The following DYNC2H1 variants were observed in gnomAD, a reference collection of about 807,000 sequenced individuals.
DYNC2H1 encodes the protein dynein cytoplasmic 2 heavy chain 1.
Under a neutral mutation model 570.0 loss-of-function variants are expected in DYNC2H1, and 410 were observed. The observed-to-expected ratio is 0.72, with a 90% CI of 0.66 to 0.78. DYNC2H1 has a LOEUF of 0.78. Ranked by LOEUF, DYNC2H1 falls within the 30% of genes least tolerant of loss-of-function variation. DYNC2H1 has a pLI of 0.00. For synonymous variants in DYNC2H1, 1,688 were observed against 1,677.6 expected, an observed-to-expected ratio of 1.01 and a Z score of -0.15; for missense variants, 4,865 against 5,046.4, an observed-to-expected ratio of 0.96 and a Z score of 1.09.
At chr11:103,110,774 C>T (rs1858074836) in intron 1 of DYNC2H1, among the ~76,000 whole-genome samples, 1 of 151,712 alleles carries the variant, frequency 6.6e-6, no homozygotes, top group Non-Finnish European at 1.5e-5. Context: ...TCACCCTTAT[C>T]CCTAGGTCTA....
chr11:103,453,096 C>T (rs1408044250), intron 85 of DYNC2H1, among the ~76,000 whole-genome samples: 2 of 150,222 alleles, frequency 1.3e-5, no homozygotes, highest in Admixed American at 1.4e-4. Flanking sequence ...CATGTTATAT[C>T]CGTTATATGC....
intron 48 of DYNC2H1, 137 bp downstream of exon 48, chr11:103,198,200 G>C: frequency 9.9e-7 from 1 of 1,009,388 alleles, no homozygotes; most frequent in South Asian, 2.0e-5. Context: ...TTGGAATTTA[G>C]TCCATTGTGG....
At chr11:103,220,858 T>C (rs1863559867) in intron 57 of DYNC2H1, 75 bp downstream of exon 57, 1 of 1,407,522 alleles carries the variant, frequency 7.1e-7, no homozygotes, top group African/African-American at 1.4e-5. Flanking sequence ...AAATATTTCT[T>C]ATATTGTTTT....
rs1468435412 is a variant in DYNC2H1 at position 103,280,100 on chromosome 11, C to T, written c.10696-248C>T. ...TTAGTTTTGTTTTGTTTTTTAATGA[C>T]ATGGGCCCACTGCATAATTGTTAGT... On this transcript the variant is annotated intron_variant, in intron 70 of 88. Coordinates refer to ENST00000375735, the MANE Select transcript of DYNC2H1 (RefSeq NM_001377.3). The surrounding 1 kb of genome is among the most constrained non-coding windows in gnomAD (Gnocchi z 4.7). 6.6e-6 allele frequency among the ~76,000 whole-genome samples: 1 copy of T among 152,092 alleles called. No individual in the cohort carries two copies. Among genetic ancestry groups the T allele is most frequent in the African/African-American group, 2.4e-5 (1 of 41,428 alleles).
intron 63 of DYNC2H1, among the ~76,000 whole-genome samples, chr11:103,238,256 G>C (rs1864296610): frequency 6.6e-6 from 1 of 152,028 alleles, no homozygotes; most frequent in Non-Finnish European, 1.5e-5. Context: ...GTGATTCAGA[G>C]ATATAATCTC....
chr11:103,369,320 C>G lies in DYNC2H1; in HGVS notation c.12156+10961C>G, dbSNP rs547385141. On this transcript the variant is annotated intron_variant, in intron 83 of 88. Coordinates refer to ENST00000375735, the MANE Select transcript of DYNC2H1 (RefSeq NM_001377.3). The surrounding 1 kb of genome is among the most constrained non-coding windows in gnomAD (Gnocchi z 4.0). ...CTGGCGGCAGGAACCTGAGTTCTTG[C>G]AAGCCTCACCAAAGCAGGCGGAAGT... Among the ~76,000 whole-genome samples the G allele has an allele frequency of 3.3e-5, 5 of 152,284 alleles. No individual in the cohort carries two copies. Among genetic ancestry groups the G allele is most frequent in the Admixed American group, 1.3e-4 (2 of 15,300 alleles).
chr11:103,408,345 A>G (rs1942951300), intron 84 of DYNC2H1: 1 of 152,052 alleles, frequency 6.6e-6, no homozygotes, highest in Non-Finnish European at 1.5e-5. Flanking sequence ...TATAGTGGGA[A>G]TAATAAATAG....
intron 83 of DYNC2H1, among the ~76,000 whole-genome samples, chr11:103,381,888 T>G (rs1202424072): frequency 3.9e-5 from 6 of 152,258 alleles, no homozygotes; most frequent in Non-Finnish European, 8.8e-5. Context: ...GTTAACTCAT[T>G]ATTGTGTAAA....
At chr11:103,301,861 T>C (rs1372095500) in intron 75 of DYNC2H1, among the ~76,000 whole-genome samples, 3 of 152,018 alleles carry the variant, frequency 2.0e-5, no homozygotes, top group African/African-American at 7.2e-5. Flanking sequence ...CAGTCTTGTC[T>C]ATTCACTTCT....
intron 82 of DYNC2H1, among the ~76,000 whole-genome samples, chr11:103,356,963 T>A (rs1940376200): frequency 6.6e-6 from 1 of 152,160 alleles, no homozygotes; most frequent in Non-Finnish European, 1.5e-5. Context: ...GCTGCAAATG[T>A]TGAAGTTTAA....
chr11:103,420,260 C>G (rs1943433913), intron 84 of DYNC2H1, among the ~76,000 whole-genome samples: 1 of 152,074 alleles, frequency 6.6e-6, no homozygotes, highest in Non-Finnish European at 1.5e-5. Flanking sequence ...CCTAGCAAGA[C>G]AGGCCAACAT....
intron 54 of DYNC2H1, among the ~76,000 whole-genome samples, chr11:103,213,093 G>T (rs1233964461): frequency 1.3e-5 from 2 of 152,058 alleles, no homozygotes; most frequent in Non-Finnish European, 2.9e-5. Context: ...ACATCCCTGG[G>T]TTCATTATTC....
chr11:103,473,331 G>C (rs1945451915), intron 88 of DYNC2H1, among the ~76,000 whole-genome samples: 1 of 142,262 alleles, frequency 7.0e-6, no homozygotes, highest in Non-Finnish European at 1.5e-5. Flanking sequence ...CTGTCTCCCA[G>C]GCTGGAGTGC....
Position 103,120,763 on chromosome 11 carries a change from GA to G in DYNC2H1, c.1214del (p.Asn405IlefsTer18). ...PAEQKIAGKL[K>X]NYISEIQDSP... ...CGGAACAAAAAATAGCAGGAAAATT[GA>G]AAAATTATATTTCAGAAATTCAAGA... On this transcript the variant is annotated frameshift_variant, in exon 8 of 89. Transcript: ENST00000375735. LOFTEE classifies it high-confidence loss of function. 1.3e-6 allele frequency: 2 copies of G among 1,585,460 alleles called. No individual in the cohort carries two copies. The highest frequency in any genetic ancestry group is 2.3e-5 in the East Asian group (1 of 43,880).
rs768494999 is a variant in DYNC2H1, at chr11:103,233,873, TGTGTGG to T, written c.9441-158_9441-153del. 0.11 allele frequency among the ~76,000 whole-genome samples: 10,329 copies of T among 97,186 alleles called. 455 individuals carry two copies. Among genetic ancestry groups the T allele is most frequent in the African/African-American group, 0.13 (3,916 of 29,168 alleles). The allele number at this position is 97,186 out of a possible 152,430, so 63.8% of individuals were successfully genotyped here. A position where few individuals can be genotyped will look rare whatever the true frequency, so the allele number is the denominator to read the frequency against. On this transcript the variant is annotated intron_variant, in intron 60 of 88. Coordinates refer to ENST00000375735, the MANE Select transcript of DYNC2H1 (RefSeq NM_001377.3). ...GTGTGTGTGTGTGTGTGTGTGTGTG[TGTGTGG>T]GTTTGTCTCTTCTATTAATGATACT... is the stretch of plus-strand genomic sequence containing the variant.
chr11:103,441,673 C>G (rs991343745), intron 85 of DYNC2H1, among the ~76,000 whole-genome samples: 7 of 152,102 alleles, frequency 4.6e-5, no homozygotes, highest in African/African-American at 1.7e-4. Context: ...GATTTAGCTT[C>G]CTGAGATATA....
At chr11:103,336,210 A>G (rs928620449) in intron 82 of DYNC2H1, among the ~76,000 whole-genome samples, 5 of 152,214 alleles carry the variant, frequency 3.3e-5, no homozygotes, top group African/African-American at 9.7e-5. Context: ...AATATTTGTT[A>G]AAAGCATACA....
Position 103,204,564 on chromosome 11 carries a change from G to A in DYNC2H1, c.8312-258G>A, listed in dbSNP as rs2135098189. ...AAAATTGAAATAAGTAAAAAATGAGGCAATAATCACACCACCCAGACATTA... is the reference window on the plus strand; with the variant it reads ...AAAATTGAAATAAGTAAAAAATGAGACAATAATCACACCACCCAGACATTA... On this transcript the variant is annotated intron_variant, in intron 51 of 88. Coordinates refer to ENST00000375735, the MANE Select transcript of DYNC2H1 (RefSeq NM_001377.3). The surrounding 1 kb of genome is among the most constrained non-coding windows in gnomAD (Gnocchi z 4.1). 6.6e-6 allele frequency among the ~76,000 whole-genome samples: 1 copy of A among 151,824 alleles called. No homozygotes were observed. The highest frequency in any genetic ancestry group is 2.1e-4 in the South Asian group (1 of 4,796).
Position 103,307,773 on chromosome 11 carries a change from A to G in DYNC2H1, c.11435A>G (p.Glu3812Gly). Reference sequence around the variant, plus strand: ...ACCTTTCGTCTTTGGCTCACTGCAGAAGTTCATCCCAACTTTACTCCTATT... The same window carrying G: ...ACCTTTCGTCTTTGGCTCACTGCAGGAGTTCATCCCAACTTTACTCCTATT... Reference protein sequence around the residue: ...KDTFRLWLTAEVHPNFTPILL... With the variant: ...KDTFRLWLTAGVHPNFTPILL... Residue 3812 changes from glutamate (E) to glycine (G), a missense_variant, in exon 78 of 89, where the codon GAA becomes GGA. Glu to Gly is a moderately conservative substitution (Grantham distance 98, BLOSUM62 -2). This residue lies in a region of DYNC2H1 where 2,401 missense variants were observed against 2,454.6 expected (regional missense o/e 0.98). Transcript: ENST00000375735. The G allele has an allele frequency of 1.2e-6, 2 of 1,606,878 alleles. No homozygotes were observed. The highest frequency in any genetic ancestry group is 8.5e-7 in the Non-Finnish European group (1 of 1,176,210).
Sources: gnomAD v4.1 joint callset for allele counts (sites outside exome capture counted in the v4.1 genomes callset) on GRCh38, gnomAD v4.1.1 for gene constraint, gnomAD v4.1.1 regional missense constraint, Gnocchi (gnomAD v3.1) non-coding constraint, MANE v1.5 for transcripts, NCBI Gene and HGNC (gene_info 2026-07-23, HGNC 2026-07-21) for gene names.